The following IMMP2L variants were observed in gnomAD, a reference collection of about 807,000 sequenced individuals.
IMMP2L encodes the protein mitochondrial inner membrane protease subunit 2.
In IMMP2L, 18 loss-of-function variants were observed where a neutral mutation model predicts 19.3. The ratio of observed to expected loss-of-function variants is 0.93; its 90% CI spans 0.64 to 1.38. The LOEUF (loss-of-function observed/expected upper bound fraction) is 1.38. IMMP2L is among the 40% of genes most tolerant of loss of function. IMMP2L has a pLI of 0.00. For synonymous variants in IMMP2L, 76 were observed against 73.0 expected (o/e 1.04, Z -0.21); for missense variants, 233 against 218.2 (o/e 1.07, Z -0.43).
intron 3 of IMMP2L, among the ~76,000 whole-genome samples, chr7:110,993,191 C>G (rs1443149810): frequency 6.6e-6 from 1 of 152,060 alleles, no homozygotes. Flanking sequence ...TCACAGCCCA[C>G]AAGAACAGAC....
At chr7:111,119,353 C>G (rs1800298165) in intron 3 of IMMP2L, among the ~76,000 whole-genome samples, 2 of 152,236 alleles carry the variant, frequency 1.3e-5, no homozygotes, top group South Asian at 4.1e-4. Context: ...TTCTGTTTCC[C>G]CTCCAGACTG....
At chr7:111,436,168 C>T (rs1263159099) in intron 3 of IMMP2L, among the ~76,000 whole-genome samples, 2 of 151,524 alleles carry the variant, frequency 1.3e-5, no homozygotes, top group African/African-American at 2.4e-5. Context: ...GGAGGCTGGA[C>T]AGGAGAACCT....
At chr7:111,446,462 G>A (rs562204780) in intron 3 of IMMP2L, among the ~76,000 whole-genome samples, 2,840 of 149,160 alleles carry the variant, frequency 0.019, 86 homozygotes, top group African/African-American at 0.068. Context: ...CACCTCACAC[G>A]GCAGGGTATT....
At chr7:111,367,871 A>C (rs536442828) in intron 3 of IMMP2L, among the ~76,000 whole-genome samples, 2 of 152,050 alleles carry the variant, frequency 1.3e-5, no homozygotes, top group East Asian at 3.9e-4. Context: ...AAACCAGTGG[A>C]TAAGCAATAG....
At chr7:111,367,991 AAAGG>A (rs1253880351) in intron 3 of IMMP2L, among the ~76,000 whole-genome samples, 1 of 151,890 alleles carries the variant, frequency 6.6e-6, no homozygotes, top group Non-Finnish European at 1.5e-5. Flanking sequence ...CTCATTAAAA[AAAGG>A]AAAAGGTATT....
intron 2 of IMMP2L, among the ~76,000 whole-genome samples, chr7:111,501,376 G>A (rs1844233992): frequency 6.6e-6 from 1 of 152,160 alleles, no homozygotes; most frequent in African/African-American, 2.4e-5. Flanking sequence ...CGGGGAGAAT[G>A]GAACCAACTT....
At chr7:111,322,156 T>G (rs999100879) in intron 3 of IMMP2L, among the ~76,000 whole-genome samples, 2 of 151,968 alleles carry the variant, frequency 1.3e-5, no homozygotes, top group Non-Finnish European at 2.9e-5. Context: ...TTTACAGTTA[T>G]TGGTAATTTA....
At chr7:111,483,319 C>T (rs1284195025) in intron 3 of IMMP2L, 1 of 152,108 alleles carries the variant, frequency 6.6e-6, no homozygotes, top group Non-Finnish European at 1.5e-5. Context: ...AATAGTGCAA[C>T]TTATGTTAAG....
intron 3 of IMMP2L, chr7:111,483,333 G>A (rs140894929): frequency 4.6e-5 from 7 of 152,204 alleles, no homozygotes; most frequent in African/African-American, 1.7e-4. Flanking sequence ...TGTTAAGCCA[G>A]GAAGGCCATC....
chr7:111,085,784 A>T (rs888273906), intron 3 of IMMP2L, among the ~76,000 whole-genome samples: 1 of 152,174 alleles, frequency 6.6e-6, no homozygotes, highest in African/African-American at 2.4e-5. Flanking sequence ...GTACATAAAC[A>T]CCAAGGAATA....
intron 3 of IMMP2L, among the ~76,000 whole-genome samples, chr7:111,470,536 T>C (rs1486138812): frequency 6.6e-6 from 1 of 151,680 alleles, no homozygotes; most frequent in Non-Finnish European, 1.5e-5. Flanking sequence ...TGGAATACTA[T>C]GCAGCCATAA....
At chr7:110,746,016 G>T (rs1295413347) in intron 5 of IMMP2L, among the ~76,000 whole-genome samples, 1 of 151,972 alleles carries the variant, frequency 6.6e-6, no homozygotes, top group African/African-American at 2.4e-5. Context: ...CATCTCACAT[G>T]CAAAGACACA....
intron 1 of IMMP2L, among the ~76,000 whole-genome samples, chr7:111,528,157 G>C (rs1847057777): frequency 6.6e-6 from 1 of 152,102 alleles, no homozygotes; most frequent in Non-Finnish European, 1.5e-5. Flanking sequence ...CAAAGTTAAT[G>C]CACCTCCTTG....
intron 5 of IMMP2L, among the ~76,000 whole-genome samples, chr7:110,749,372 T>G (rs929549886): frequency 2.6e-5 from 4 of 152,176 alleles, no homozygotes; most frequent in Admixed American, 6.5e-5. Context: ...AAATACCATT[T>G]GACCCAGCAA....
rs571683777 is a variant in IMMP2L at position 111,007,538 on chromosome 7, G to A, written c.240-43973C>T. 2.0e-5 allele frequency among the ~76,000 whole-genome samples: 3 copies of A among 151,926 alleles called. No homozygotes were observed. In the South Asian group the frequency reaches 6.3e-4, roughly 32 times the overall value. ...CTTTACTGATTTTTCTGCCTCTCTC[G>A]AACATCTAAATGTTCAAATTCCCCA... On this transcript the variant is annotated intron_variant, in intron 3 of 5. Coordinates refer to ENST00000405709, the MANE Select transcript of IMMP2L (RefSeq NM_032549.4).
chr7:111,336,628 C>T (rs114298360), intron 3 of IMMP2L, among the ~76,000 whole-genome samples: 3,267 of 152,008 alleles, frequency 0.021, 124 homozygotes, highest in African/African-American at 0.075. Context: ...AATAAGTTCT[C>T]TTTCATATTC....
In IMMP2L at chr7:111,551,495, G is replaced by GGTGTGTGT. The variant is rs60697579; in HGVS notation, c.-3+10348_-3+10355dup. The stretch of plus-strand genomic sequence containing the variant: ...AGGTATGTTAGGTATGACTGTTAGA[G>GGTGTGTGT]GTGTGTGTGTGTGTGTGTGTGTGTG... On this transcript the variant is annotated intron_variant, in intron 1 of 5. Transcript: ENST00000405709. Among the ~76,000 whole-genome samples the GGTGTGTGT allele has an allele frequency of 5.1e-3, 736 of 145,348 alleles. 4 individuals are homozygous for GGTGTGTGT. The highest frequency in any genetic ancestry group is 6.2e-3 in the Non-Finnish European group (412 of 66,032).
chr7:111,193,184 T>C (rs1809087227), intron 3 of IMMP2L, among the ~76,000 whole-genome samples: 1 of 152,188 alleles, frequency 6.6e-6, no homozygotes, highest in South Asian at 2.1e-4. Context: ...TATGTGGAGA[T>C]GTAGCCTCTT....
chr7:111,319,894 C>T (rs1824500817), intron 3 of IMMP2L, among the ~76,000 whole-genome samples: 1 of 151,926 alleles, frequency 6.6e-6, no homozygotes, highest in South Asian at 2.1e-4. Flanking sequence ...GAGGTCGTAA[C>T]AATGACTTTA....
Sources: allele counts gnomAD v4.1 joint callset (sites outside exome capture counted in the v4.1 genomes callset), GRCh38; gene constraint gnomAD v4.1.1; transcripts MANE v1.5; gene names NCBI Gene and HGNC (gene_info 2026-07-23, HGNC 2026-07-21).